Variants in RPL26 observed in about 807,000 individuals in gnomAD.
RPL26 encodes large ribosomal subunit protein uL24.
RPL26 carries 1 observed loss-of-function variant against 16.2 expected under a neutral mutation model. The observed-to-expected ratio is 0.06, with a 90% CI of 0.02 to 0.29. RPL26 has a LOEUF of 0.29. Among genes scored for constraint, RPL26 ranks in the 10% least tolerant of loss-of-function variants. RPL26 has a pLI of 1.00. For missense variants in RPL26, 102 were observed against 184.3 expected, an observed-to-expected ratio of 0.55 and a Z score of 2.58; for synonymous variants, 55 against 62.4, an observed-to-expected ratio of 0.88 and a Z score of 0.56.
At chr17:8,378,745 CCA>C (rs747158694) in intron 3 of RPL26, among the ~76,000 whole-genome samples, 15 of 152,246 alleles carry the variant, frequency 9.9e-5, no homozygotes, top group South Asian at 2.1e-4. Flanking sequence ...ACAAAAATCT[CCA>C]CAGTCACTGA....
Position 8,382,191 on chromosome 17 carries a change from C to A in RPL26, c.120G>T (p.Gln40His). 6.2e-7 allele frequency: 1 copy of A among 1,613,980 alleles called. No homozygotes were observed. Among genetic ancestry groups the A allele is most frequent in the South Asian group, 1.1e-5 (1 of 91,084 alleles). Reference sequence around the variant, plus strand: ...TGGGCATGGATCGCACGTTGTACTTCTGTCTCAGCTCTTTGGAAAGAGGGG... The same window carrying A: ...TGGGCATGGATCGCACGTTGTACTTATGTCTCAGCTCTTTGGAAAGAGGGG... ...MSSPLSKELR[Q>H]KYNVRSMPIR... The change falls in exon 2 of 4, where the codon CAG becomes CAT. Residue 40 changes from glutamine (Q) to histidine (H), a missense_variant. Physicochemically the swap from Gln to His is conservative, Grantham distance 24. Transcript: ENST00000648839.
In RPL26 at chr17:8,382,910, T is replaced by TA. The variant is rs1907493112; in HGVS notation, c.-6+246_-6+247insT. The TA allele has an allele frequency of 1.3e-5, 5 of 397,014 alleles. No homozygotes were observed. The Admixed American group carries it at 2.2e-4, about 17-fold the overall frequency. 24.6% of individuals were successfully genotyped at this position (397,014 alleles called of 1,614,324 possible). ...CTCTAGGAAACGACACTACCCAGAC[T>TA]CCAGTCTATTTCCACAGGCTCCCTT... On this transcript the variant is annotated intron_variant, in intron 1 of 3. Coordinates refer to ENST00000648839, the MANE Select transcript of RPL26 (RefSeq NM_000987.5).
intron 2 of RPL26, chr17:8,381,697 G>A (rs2151674995): frequency 5.4e-6 from 1 of 186,248 alleles, no homozygotes; most frequent in East Asian, 1.8e-4. Context: ...GGAGGCTGAG[G>A]CGGGCTGATC....
At position 8,377,689 on chromosome 17, in the gene RPL26, C is replaced by G; in HGVS notation, c.313G>C (p.Val105Leu). The G allele has an allele frequency of 6.2e-7, 1 of 1,602,336 alleles. No homozygotes were observed. Among genetic ancestry groups the G allele is most frequent in the South Asian group, 1.1e-5 (1 of 89,356 alleles). The change falls in exon 4 of 4, where the codon GTT becomes CTT. Residue 105 changes from valine to leucine, a missense_variant. By Grantham distance (32) the Val-to-Leu change is conservative. Transcript: ENST00000648839. ...VHVGIHPSKV[V>L]ITRLKLDKDR... ...TTGTCCAGTTTTAGCCTAGTGATAA[C>G]CACCTGCAGAAAAATAAGAAAAAAA... is the stretch of plus-strand genomic sequence containing the variant.
rs1907334256 is a variant in RPL26, at chr17:8,379,920, T to C, written c.185A>G (p.Tyr62Cys). ...TACTTTGCCAATTTGCTGACCTTTA[T>C]AGTGTCCACGTACAACCTAAGAGCA... ...DDEVQVVRGH[Y>C]KGQQIGKVVQ... The change falls in exon 3 of 4, where the codon TAT (tyrosine) becomes TGT (cysteine). Residue 62 changes from tyrosine (Y) to cysteine (C), a missense_variant. By Grantham distance (194) the Tyr-to-Cys change is radical (BLOSUM62 -2). Transcript: ENST00000648839. The C allele has an allele frequency of 6.2e-7, 1 of 1,612,460 alleles. No individual in the cohort carries two copies.
chr17:8,382,111 T>A lies in RPL26; in HGVS notation c.168+32A>T, dbSNP rs536126464. 216 of 1,590,226 alleles carry A rather than the reference T, an allele frequency of 1.4e-4. 4 individuals carry two copies. The South Asian group carries it at 2.3e-3, about 17-fold the overall frequency. ...CTAAGCTAAGTGCGTAAAATATCCA[T>A]CAAGACAACGAGAACAAGTAGGGAT... On this transcript the variant is annotated intron_variant, in intron 2 of 3. Transcript: ENST00000648839.
chr17:8,379,539 A>G (rs1907316972), intron 3 of RPL26: 2 of 554,400 alleles, frequency 3.6e-6, no homozygotes, highest in African/African-American at 1.9e-5. Context: ...GTGCCACTGC[A>G]CTCCGGCCTG....
chr17:8,382,732 G>C (rs1597496807), intron 1 of RPL26: 1 of 312,288 alleles, frequency 3.2e-6, no homozygotes, highest in East Asian at 5.4e-5. Flanking sequence ...AGGCTTAAGA[G>C]TGAATACGTA....
intron 3 of RPL26, among the ~76,000 whole-genome samples, chr17:8,378,620 C>A (rs1330088027): frequency 2.0e-5 from 3 of 152,138 alleles, no homozygotes; most frequent in Non-Finnish European, 4.4e-5. Context: ...GATGACAATA[C>A]GATCTTACTC....
In RPL26 at chr17:8,382,283, C is replaced by T; in HGVS notation, c.28G>A (p.Asp10Asn). 1 of 1,613,546 alleles carries T rather than the reference C, an allele frequency of 6.2e-7. No homozygotes were observed. The highest frequency in any genetic ancestry group is 8.5e-7 in the Non-Finnish European group (1 of 1,179,638). Residue 10 changes from aspartate (D) to asparagine (N), a missense_variant, in exon 2 of 4, where the codon GAC becomes AAC. Transcript: ENST00000648839. MKFNPFVTS[D>N]RSKNRKRHFN... is the part of the protein sequence containing the mutation. ...TGCCTTTTGCGATTCTTGCTTCGGTCGGAAGTCACAAAGGGATTAAACTTC... is the reference window on the plus strand; with the variant it reads ...TGCCTTTTGCGATTCTTGCTTCGGTTGGAAGTCACAAAGGGATTAAACTTC...
At chr17:8,379,087 G>GA (rs1169449827) in intron 3 of RPL26, 1 of 152,140 alleles carries the variant, frequency 6.6e-6, no homozygotes, top group African/African-American at 2.4e-5. Flanking sequence ...TGGGCTCTTA[G>GA]AATTTATAAT....
rs778804923 is a variant in RPL26, at chr17:8,377,645, G to C, written c.357C>G (p.Leu119=). 1 of 1,611,262 alleles carries C rather than the reference G, an allele frequency of 6.2e-7. No individual in the cohort carries two copies. The part of the protein sequence containing the change: ...LKLDKDRKKI[L]ERKAKSRQVG... ...CTTGGCGAGATTTGGCTTTCCGTTC[G>C]AGGATCTTTTTGCGGTCTTTGTCCA... The change falls in exon 4 of 4, where the codon CTC becomes CTG. Residue 119 remains leucine, a synonymous_variant. Transcript: ENST00000648839.
At chr17:8,379,578 AAACT>A (rs901670450) in intron 3 of RPL26, 29 of 583,664 alleles carry the variant, frequency 5.0e-5, no homozygotes, top group African/African-American at 4.9e-4. Flanking sequence ...TCTCAAAAAC[AAACT>A]AACAGAAACA....
chr17:8,380,164 C>T (rs967017928), intron 2 of RPL26: 1 of 476,586 alleles, frequency 2.1e-6, no homozygotes, highest in Non-Finnish European at 3.7e-6. Flanking sequence ...ATGTGTGCAA[C>T]CTAGTGCTAG....
At position 8,382,278 on chromosome 17, in the gene RPL26, T is replaced by A. The variant is rs771809497; in HGVS notation, c.33A>T (p.Arg11=). ...TGAAATGCCTTTTGCGATTCTTGCT[T>A]CGGTCGGAAGTCACAAAGGGATTAA... The part of the protein sequence containing the change: MKFNPFVTSD[R]SKNRKRHFNA... Residue 11 remains arginine, a synonymous_variant, in exon 2 of 4, where the codon CGA becomes CGT. Coordinates refer to ENST00000648839, the MANE Select transcript of RPL26 (RefSeq NM_000987.5). The A allele has an allele frequency of 6.2e-7, 1 of 1,613,938 alleles. No individual in the cohort carries two copies. The highest frequency in any genetic ancestry group is 1.1e-5 in the South Asian group (1 of 91,056).
Position 8,377,771 on chromosome 17 carries a change from C to A in RPL26, c.310-79G>T, listed in dbSNP as rs941163112. 26 of 1,375,154 alleles carry A rather than the reference C, an allele frequency of 1.9e-5. 1 individual carries two copies. The African/African-American group carries it at 3.5e-4, about 18-fold the overall frequency. 85.2% of individuals were successfully genotyped at this position (1,375,154 alleles called of 1,614,324 possible). A position where few individuals can be genotyped will look rare whatever the true frequency, so the allele number is the denominator to read the frequency against. On this transcript the variant is annotated intron_variant, in intron 3 of 3. Coordinates refer to ENST00000648839, the MANE Select transcript of RPL26 (RefSeq NM_000987.5). ...CAAGGGAAAGCCCAACATTCAATAC[C>A]ATTTCCCAAACCTGGGGTAGGTGGA...
chr17:8,377,529 T>A lies in RPL26; in HGVS notation c.*35A>T. 1 of 1,541,548 alleles carries A rather than the reference T, an allele frequency of 6.5e-7. No homozygotes were observed. Among genetic ancestry groups the A allele is most frequent in the Non-Finnish European group, 8.7e-7 (1 of 1,144,900 alleles). On this transcript the variant is annotated 3_prime_UTR_variant, in exon 4 of 4. Transcript: ENST00000648839. ...ACACACAAAACACAGGCTCTTTGTTTCAAGTTTTAATCAAAGCTTGTATAT... is the reference window on the plus strand; with the variant it reads ...ACACACAAAACACAGGCTCTTTGTTACAAGTTTTAATCAAAGCTTGTATAT...
intron 3 of RPL26, among the ~76,000 whole-genome samples, chr17:8,378,714 GAAATACAGCATGCAGACC>G (rs1015076312): frequency 2.6e-5 from 4 of 152,120 alleles, no homozygotes; most frequent in Admixed American, 2.0e-4. Flanking sequence ...AGAGGTGCTG[GAAATACAGCATGCAGACC>G]AAACAAAAAT....
chr17:8,378,463 G>C (rs1051992618), intron 3 of RPL26, among the ~76,000 whole-genome samples: 1 of 152,098 alleles, frequency 6.6e-6, no homozygotes, highest in Non-Finnish European at 1.5e-5. Flanking sequence ...TGCACTTCCA[G>C]GCTGGGCGAC....
Sources: allele counts gnomAD v4.1 joint callset (sites outside exome capture counted in the v4.1 genomes callset), GRCh38; gene constraint gnomAD v4.1.1; transcripts MANE v1.5; gene names NCBI Gene and HGNC (gene_info 2026-07-23, HGNC 2026-07-21).